CACNA2D3: variants seen among roughly 807,000 people sequenced by gnomAD.
The protein encoded by CACNA2D3 is voltage-dependent calcium channel subunit alpha-2/delta-3.
CACNA2D3 carries 60 observed loss-of-function variants against 160.6 expected under a neutral mutation model. That is an observed-to-expected ratio of 0.37 (90% CI 0.30 to 0.46). The LOEUF is 0.46. Ranked by LOEUF, CACNA2D3 falls within the 20% of genes least tolerant of loss-of-function variation. The pLI is 1.00. For synonymous variants in CACNA2D3, 558 were observed against 492.9 expected (o/e 1.13, Z -1.75); for missense variants, 1,205 against 1,365.0 (o/e 0.88, Z 1.85).
chr3:54,553,281 A>G (rs1328046790), intron 5 of CACNA2D3, among the ~76,000 whole-genome samples: 1 of 152,224 alleles, frequency 6.6e-6, no homozygotes, highest in Non-Finnish European at 1.5e-5. Context: ...TATTTAATCT[A>G]TGATCTACTT....
At chr3:54,423,893 A>T (rs1025937843) in intron 4 of CACNA2D3, among the ~76,000 whole-genome samples, 62 of 135,354 alleles carry the variant, frequency 4.6e-4, no homozygotes, top group African/African-American at 1.3e-3. Flanking sequence ...TGAAATTCTT[A>T]TTTTTTTTTT....
chr3:54,678,925 T>G (rs1700294609), intron 11 of CACNA2D3, among the ~76,000 whole-genome samples: 1 of 152,066 alleles, frequency 6.6e-6, no homozygotes, highest in African/African-American at 2.4e-5. Flanking sequence ...CCCAAGGAAT[T>G]TTGTTTTCTA....
intron 35 of CACNA2D3, among the ~76,000 whole-genome samples, chr3:55,071,230 G>GTTTT (rs1261250840): frequency 1.3e-5 from 2 of 151,760 alleles, no homozygotes; most frequent in East Asian, 3.9e-4. Flanking sequence ...GTGTCATTCT[G>GTTTT]TTTTAGGAGT....
intron 18 of CACNA2D3, among the ~76,000 whole-genome samples, chr3:54,878,286 TGTC>T (rs1354348948): frequency 6.6e-6 from 1 of 152,188 alleles, no homozygotes; most frequent in East Asian, 1.9e-4. Flanking sequence ...TGGCCTTCTC[TGTC>T]GTCTTGCCTT....
chr3:54,832,618 T>A (rs75777209), intron 14 of CACNA2D3, among the ~76,000 whole-genome samples: 14 of 152,202 alleles, frequency 9.2e-5, no homozygotes, highest in Non-Finnish European at 1.9e-4. Flanking sequence ...CTGACAGATA[T>A]TGATAAACAC....
At chr3:54,404,940 A>G (rs1191556602) in intron 4 of CACNA2D3, among the ~76,000 whole-genome samples, 1 of 121,888 alleles carries the variant, frequency 8.2e-6, no homozygotes, top group Non-Finnish European at 1.7e-5. Context: ...ATACACTGAA[A>G]ACTATAAAAC....
chr3:54,521,126 A>C (rs1701640640), intron 5 of CACNA2D3, among the ~76,000 whole-genome samples: 1 of 152,198 alleles, frequency 6.6e-6, no homozygotes, highest in Non-Finnish European at 1.5e-5. Context: ...TATACCTAGA[A>C]ATGGAATTGC....
At chr3:54,427,584 CTG>C (rs1339588994) in intron 4 of CACNA2D3, among the ~76,000 whole-genome samples, 2 of 152,194 alleles carry the variant, frequency 1.3e-5, no homozygotes, top group Non-Finnish European at 2.9e-5. Flanking sequence ...GTAAATTTAA[CTG>C]TGCCTCCTGT....
At chr3:54,799,205 G>T (rs1406680949) in intron 13 of CACNA2D3, among the ~76,000 whole-genome samples, 1 of 152,126 alleles carries the variant, frequency 6.6e-6, no homozygotes, top group Non-Finnish European at 1.5e-5. Context: ...GCCTGGAGTT[G>T]TACTTATTTC....
At chr3:54,462,047 T>C (rs1700515275) in intron 4 of CACNA2D3, among the ~76,000 whole-genome samples, 1 of 152,166 alleles carries the variant, frequency 6.6e-6, no homozygotes, top group Admixed American at 6.6e-5. Flanking sequence ...CTGTAGTCAT[T>C]CAGGAGCAGG....
At chr3:54,152,993 A>G (rs780853929) in intron 2 of CACNA2D3, among the ~76,000 whole-genome samples, 1 of 152,178 alleles carries the variant, frequency 6.6e-6, no homozygotes, top group East Asian at 1.9e-4. Flanking sequence ...GCTTTATCAC[A>G]CTTGCTTCCT....
At chr3:54,415,055 G>A (rs13083993) in intron 4 of CACNA2D3, among the ~76,000 whole-genome samples, 71,185 of 151,790 alleles carry the variant, frequency 0.47, 17,971 homozygotes, top group Middle Eastern at 0.61. Context: ...ACACCAGAGC[G>A]TTCTTGGCAT....
intron 3 of CACNA2D3, among the ~76,000 whole-genome samples, chr3:54,359,403 G>T (rs1698704623): frequency 6.6e-6 from 1 of 152,174 alleles, no homozygotes; most frequent in African/African-American, 2.4e-5. Context: ...TTGGCATAGA[G>T]ATAGAATAAA....
intron 35 of CACNA2D3, among the ~76,000 whole-genome samples, chr3:55,022,326 C>T (rs1300062547): frequency 6.6e-6 from 1 of 152,038 alleles, no homozygotes. Context: ...TTTCCCCTTT[C>T]CCTCCATTTT....
intron 4 of CACNA2D3, among the ~76,000 whole-genome samples, chr3:54,420,170 C>T (rs1292302266): frequency 1.3e-5 from 2 of 152,004 alleles, no homozygotes; most frequent in Non-Finnish European, 2.9e-5. Context: ...TTGCACCCTC[C>T]GCCTCCTGAG....
intron 4 of CACNA2D3, among the ~76,000 whole-genome samples, chr3:54,427,395 A>G (rs1191874703): frequency 6.6e-6 from 1 of 152,102 alleles, no homozygotes; most frequent in African/African-American, 2.4e-5. Flanking sequence ...CCTCAGCATC[A>G]TGCTTGGTGT....
chr3:55,007,188 A>G (rs898078513), intron 32 of CACNA2D3, among the ~76,000 whole-genome samples: 2 of 152,214 alleles, frequency 1.3e-5, no homozygotes, highest in Non-Finnish European at 2.9e-5. Context: ...TAGGCTTTCA[A>G]TGCCTTCTTT....
chr3:54,125,460 A>C (rs1699573405), intron 2 of CACNA2D3, among the ~76,000 whole-genome samples: 1 of 152,090 alleles, frequency 6.6e-6, no homozygotes, highest in Non-Finnish European at 1.5e-5. Flanking sequence ...TGGCTTTGTT[A>C]TCATTTCTTG....
At chr3:54,963,934 T>A (rs1376690508) in intron 27 of CACNA2D3, among the ~76,000 whole-genome samples, 3 of 152,220 alleles carry the variant, frequency 2.0e-5, no homozygotes, top group Non-Finnish European at 4.4e-5. Flanking sequence ...TGTTGAAGTT[T>A]CGATATCTGT....
Sources: gnomAD v4.1 joint callset for allele counts (sites outside exome capture counted in the v4.1 genomes callset) on GRCh38, gnomAD v4.1.1 for gene constraint, MANE v1.5 for transcripts, NCBI Gene and HGNC (gene_info 2026-07-23, HGNC 2026-07-21) for gene names.